Variants in ROS1 observed in about 807,000 individuals in gnomAD.
The protein encoded by ROS1 is proto-oncogene tyrosine-protein kinase ROS.
A neutral mutation model predicts 273.5 loss-of-function variants in ROS1; 263 were observed. The ratio of observed to expected loss-of-function variants is 0.96; its 90% CI spans 0.87 to 1.06. ROS1 has a LOEUF of 1.06. ROS1 is among the 50% of genes least tolerant of loss of function. The probability of loss-of-function intolerance (pLI) is 0.00; values close to 1 mark genes in which losing one functional copy is unlikely to be tolerated. For synonymous variants in ROS1, 1,008 were observed against 954.1 expected, an observed-to-expected ratio of 1.06 and a Z score of -1.04; for missense variants, 2,833 against 2,751.1, an observed-to-expected ratio of 1.03 and a Z score of -0.67.
intron 17 of ROS1, among the ~76,000 whole-genome samples, 198 bp from the exon 18 acceptor site, chr6:117,379,357 C>T (rs1227678885): frequency 6.6e-6 from 1 of 152,044 alleles, no homozygotes; most frequent in Non-Finnish European, 1.5e-5. Context: ...CACTGGTGTC[C>T]TAAAATTTTA....
Position 117,319,928 on chromosome 6 carries a change from A to T in ROS1, c.5862T>A (p.Tyr1954Ter), listed in dbSNP as rs2128558828. The T allele has an allele frequency of 6.2e-7, 1 of 1,613,436 alleles. No individual in the cohort carries two copies. The highest frequency in any genetic ancestry group is 1.1e-5 in the South Asian group (1 of 91,052). ...CTAAGATGTCCACTGCTGTTCCTTC[A>T]TACACTTCTCCAAAGGCTCCACTTC... is the stretch of plus-strand genomic sequence containing the variant. ...LLGSGAFGEV[Y>*]EGTAVDILGV... The change falls in exon 37 of 44, where the codon TAT becomes TAA. Residue 1954 changes from tyrosine (Y) to a stop codon, truncating the protein, a stop_gained. Coordinates refer to ENST00000368507, the MANE Select transcript of ROS1 (RefSeq NM_001378902.1). LOFTEE classifies it high-confidence loss of function.
At chr6:117,329,258 T>C (rs2128592790) in intron 33 of ROS1, 71 bp downstream of exon 33, 1 of 735,658 alleles carries the variant, frequency 1.4e-6, no homozygotes, top group East Asian at 2.5e-5. Context: ...ATAAATAGTG[T>C]TACTTTTGAT....
rs1367913204 is a variant in ROS1, at chr6:117,369,506, G to A, written c.2583-3216C>T. ...GGAGAATGGCATGAACCCGGGAGGCGGAGCTTGCAGTGAGCCGAGATCGCG... is the reference window on the plus strand; with the variant it reads ...GGAGAATGGCATGAACCCGGGAGGCAGAGCTTGCAGTGAGCCGAGATCGCG... On this transcript the variant is annotated intron_variant, in intron 18 of 43. Coordinates refer to ENST00000368507, the MANE Select transcript of ROS1 (RefSeq NM_001378902.1). Among the ~76,000 whole-genome samples the A allele has an allele frequency of 4.0e-5, 6 of 151,892 alleles. No individual in the cohort carries two copies. The East Asian group carries it at 5.8e-4, about 15-fold the overall frequency.
chr6:117,326,105 A>G (rs1776623015), intron 34 of ROS1, 119 bp downstream of exon 34: 1 of 217,280 alleles, frequency 4.6e-6, no homozygotes, highest in Non-Finnish European at 8.3e-6. Context: ...ATATATATAT[A>G]TATATATATA....
At chr6:117,423,707 T>C (rs936193458) in intron 1 of ROS1, among the ~76,000 whole-genome samples, 3 of 152,132 alleles carry the variant, frequency 2.0e-5, no homozygotes, top group African/African-American at 4.8e-5. Context: ...GGTGACTTTT[T>C]TTTTTTAAGA....
chr6:117,307,503 C>G (rs1775194102), intron 42 of ROS1, among the ~76,000 whole-genome samples: 1 of 151,926 alleles, frequency 6.6e-6, no homozygotes, highest in South Asian at 2.1e-4. Context: ...TTTTCTTAAA[C>G]CCTACATGAA....
chr6:117,292,090 C>T (rs1027236235), intron 43 of ROS1, among the ~76,000 whole-genome samples: 1 of 151,986 alleles, frequency 6.6e-6, no homozygotes, highest in Non-Finnish European at 1.5e-5. Flanking sequence ...CTACCTCAGC[C>T]TCTCTAGTAG....
intron 1 of ROS1, among the ~76,000 whole-genome samples, 162 bp downstream of exon 1, chr6:117,425,372 G>A (rs572839786): frequency 6.6e-6 from 1 of 152,122 alleles, no homozygotes; most frequent in Non-Finnish European, 1.5e-5. Flanking sequence ...CAATTATAAG[G>A]GCTCCTAACT....
At chr6:117,361,173 C>A (rs954965595) in intron 22 of ROS1, among the ~76,000 whole-genome samples, 2 of 149,958 alleles carry the variant, frequency 1.3e-5, no homozygotes, top group Non-Finnish European at 3.0e-5. Context: ...TTGGGCCATG[C>A]CACATTCTAA....
chr6:117,388,068 C>G (rs1451340244), intron 13 of ROS1, 76 bp from the exon 14 acceptor site: 1 of 1,595,662 alleles, frequency 6.3e-7, no homozygotes, highest in Admixed American at 1.7e-5. Flanking sequence ...TCCATAAATT[C>G]ACCTACAGCC....
intron 5 of ROS1, among the ~76,000 whole-genome samples, chr6:117,408,310 C>T (rs1469377472): frequency 2.6e-5 from 4 of 152,170 alleles, no homozygotes; most frequent in Non-Finnish European, 5.9e-5. Context: ...TTGCAATCTA[C>T]TTATCTGACA....
intron 43 of ROS1, among the ~76,000 whole-genome samples, chr6:117,296,294 G>A (rs537560278): frequency 1.2e-4 from 19 of 152,166 alleles, no homozygotes; most frequent in South Asian, 4.2e-4. Flanking sequence ...CCAGCTACTC[G>A]GAATGCCGAG....
chr6:117,351,813 G>A (rs1229883026), intron 27 of ROS1, among the ~76,000 whole-genome samples: 1 of 152,132 alleles, frequency 6.6e-6, no homozygotes, highest in Admixed American at 6.5e-5. Context: ...TTCTGGGCCA[G>A]AAACCAGAAG....
In ROS1 at chr6:117,310,116, C is replaced by T; in HGVS notation, c.6381G>A (p.Leu2127=). 6.2e-7 allele frequency: 1 copy of T among 1,613,522 alleles called. No individual in the cohort carries two copies. Among genetic ancestry groups the T allele is most frequent in the African/African-American group, 1.3e-5 (1 of 75,004 alleles). The change falls in exon 41 of 44, where the codon TTG becomes TTA. Residue 2127 remains leucine, a synonymous_variant. Transcript: ENST00000368507. ...LPVRWMAPES[L]MDGIFTTQSD... ...ATTGAGTAGTGAAGATTCCATCCAT[C>T]AAACTTTCTGGAGCCATCCACCGAA...
At position 117,288,807 on chromosome 6, in the gene ROS1, G is replaced by A; in HGVS notation, c.6716-5C>T. 1 of 1,572,876 alleles carries A rather than the reference G, an allele frequency of 6.4e-7. No individual in the cohort carries two copies. Among genetic ancestry groups the A allele is most frequent in the Non-Finnish European group, 8.6e-7 (1 of 1,162,578 alleles). On this transcript the variant is annotated splice_region_variant and splice_polypyrimidine_tract_variant and intron_variant, in intron 43 of 43. Coordinates refer to ENST00000368507, the MANE Select transcript of ROS1 (RefSeq NM_001378902.1). ...AAATCACATCGCCATCTTCACCTGT[G>A]AAAAAAATATGAATGTTATTCTAGC...
rs1039457685 is a variant in ROS1 at position 117,364,937 on chromosome 6, G to C, written c.3103+123C>G. ...CTAATCTCCAAAAAGTCATTGAAAG[G>C]GTATTGAATCTAAACACATCTATAA... is the stretch of plus-strand genomic sequence containing the variant. On this transcript the variant is annotated intron_variant, in intron 21 of 43. Transcript: ENST00000368507. The C allele has an allele frequency of 1.7e-5, 14 of 829,958 alleles. No individual in the cohort carries two copies. In the East Asian group the frequency reaches 3.7e-4, roughly 22 times the overall value. The allele number at this position is 829,958 out of a possible 1,614,324, so 51.4% of individuals were successfully genotyped here.
At chr6:117,348,224 A>G (rs779361955) in intron 27 of ROS1, among the ~76,000 whole-genome samples, 2 of 151,954 alleles carry the variant, frequency 1.3e-5, no homozygotes, top group Non-Finnish European at 2.9e-5. Flanking sequence ...GGTGCTTTCT[A>G]TTTCAGAAGG....
intron 20 of ROS1, 149 bp downstream of exon 20, chr6:117,365,432 T>C: frequency 1.3e-6 from 1 of 771,220 alleles, no homozygotes; most frequent in Non-Finnish European, 2.1e-6. Context: ...ACAAGTCTTC[T>C]GGGGAATAAT....
intron 28 of ROS1, 34 bp downstream of exon 28, chr6:117,344,026 G>T: frequency 6.5e-7 from 1 of 1,528,480 alleles, no homozygotes; most frequent in Non-Finnish European, 9.1e-7. Flanking sequence ...AGAACATCTT[G>T]TGAAAAGACA....
Sources: allele counts gnomAD v4.1 joint callset (sites outside exome capture counted in the v4.1 genomes callset), GRCh38; gene constraint gnomAD v4.1.1; transcripts MANE v1.5; gene names NCBI Gene and HGNC (gene_info 2026-07-23, HGNC 2026-07-21).